Variants in NTN3 observed in about 807,000 individuals in gnomAD.
NTN3 encodes the protein netrin-3.
In NTN3, 44 loss-of-function variants were observed where a neutral mutation model predicts 37.2. The observed-to-expected ratio is 1.18, with a 90% CI of 0.93 to 1.52. The LOEUF (loss-of-function observed/expected upper bound fraction) is 1.52. NTN3 is among the 40% of genes most tolerant of loss of function. NTN3 has a pLI of 0.00. For synonymous variants in NTN3, 385 were observed against 376.0 expected, an observed-to-expected ratio of 1.02 and a Z score of -0.28; for missense variants, 882 against 857.3, an observed-to-expected ratio of 1.03 and a Z score of -0.36.
Position 2,473,873 on chromosome 16 carries a change from C to A in NTN3, c.1511C>A (p.Ala504Glu). 8 of 1,258,972 alleles carry A rather than the reference C, an allele frequency of 6.4e-6. No individual in the cohort carries two copies. Among genetic ancestry groups the A allele is most frequent in the Non-Finnish European group, 8.0e-6 (8 of 1,004,890 alleles). 78.0% of individuals were successfully genotyped at this position (1,258,972 alleles called of 1,614,324 possible). A position where few individuals can be genotyped will look rare whatever the true frequency, so the allele number is the denominator to read the frequency against. ...GEERARRGSSALWVPAGDAAC... is the reference protein window; with the variant it reads ...GEERARRGSSELWVPAGDAAC... ...GAGCGCGCGCGGCGCGGGAGTAGCG[C>A]GCTGTGGGTGCCCGCCGGGGATGCG... Residue 504 changes from alanine to glutamate, a missense_variant, in exon 6 of 6, where the codon GCG becomes GAG. Ala to Glu is a moderately radical substitution (Grantham distance 107). Coordinates refer to ENST00000293973, the MANE Select transcript of NTN3 (RefSeq NM_006181.3).
rs1414395615 is a variant in NTN3, at chr16:2,471,769, C to G, written c.68C>G (p.Pro23Arg). 7 of 1,381,250 alleles carry G rather than the reference C, an allele frequency of 5.1e-6. No homozygotes were observed. Among genetic ancestry groups the G allele is most frequent in the Non-Finnish European group, 6.5e-6 (7 of 1,075,764 alleles). The allele number at this position is 1,381,250 out of a possible 1,614,324, so 85.6% of individuals were successfully genotyped here. A position where few individuals can be genotyped will look rare whatever the true frequency, so the allele number is the denominator to read the frequency against. ...CTCTTCGCCGCCCTGAGTCCTGGGC[C>G]GCCGGCGCCCGCCGACCCCTGCCAC... Reference protein sequence around the residue: ...GTLFAALSPGPPAPADPCHDE... With the variant: ...GTLFAALSPGRPAPADPCHDE... The change falls in exon 1 of 6, where the codon CCG becomes CGG. Residue 23 changes from proline (P) to arginine (R), a missense_variant. Pro to Arg is a moderately radical substitution (Grantham distance 103, BLOSUM62 -2). Transcript: ENST00000293973.
rs754006125 is a variant in NTN3, at chr16:2,472,443, G to A, written c.742G>A (p.Asp248Asn). 7 of 1,596,704 alleles carry A rather than the reference G, an allele frequency of 4.4e-6. No homozygotes were observed. Among genetic ancestry groups the A allele is most frequent in the South Asian group, 3.3e-5 (3 of 91,070 alleles). The change falls in exon 1 of 6, where the codon GAC becomes AAC. Residue 248 changes from aspartate (D) to asparagine (N), a missense_variant. Physicochemically the swap from Asp to Asn is conservative, Grantham distance 23 (BLOSUM62 1). Coordinates refer to ENST00000293973, the MANE Select transcript of NTN3 (RefSeq NM_006181.3). Reference sequence around the variant, plus strand: ...CGTCCCTTACTCCTACGCAGCCACCGACCTCCAGGTGGGCGGGCGCTGCAA... The same window carrying A: ...CGTCCCTTACTCCTACGCAGCCACCAACCTCCAGGTGGGCGGGCGCTGCAA... ...AVVPYSYAAT[D>N]LQVGGRCKCN...
In NTN3 at chr16:2,472,097, G is replaced by T; in HGVS notation, c.396G>T (p.Val132=). The part of the protein sequence containing the change: ...LRFCSAPPAS[V]ALLKSQDHGR... ...TCTGCTCAGCTCCCCCAGCCTCCGT[G>T]GCCCTGCTCAAGTCTCAGGACCATG... Residue 132 remains valine (V), a synonymous_variant, in exon 1 of 6, where the codon GTG becomes GTT. Transcript: ENST00000293973. The T allele has an allele frequency of 6.2e-7, 1 of 1,606,642 alleles. No homozygotes were observed. Among genetic ancestry groups the T allele is most frequent in the South Asian group, 1.1e-5 (1 of 90,792 alleles).
chr16:2,472,592 G>T lies in NTN3; in HGVS notation c.891G>T (p.Trp297Cys). 6.3e-7 allele frequency: 1 copy of T among 1,597,204 alleles called. No homozygotes were observed. Among genetic ancestry groups the T allele is most frequent in the Non-Finnish European group, 8.5e-7 (1 of 1,171,192 alleles). Residue 297 changes from tryptophan (W) to cysteine (C), a missense_variant, in exon 1 of 6, where the codon TGG becomes TGT. Transcript: ENST00000293973. Reference protein sequence around the residue: ...RCKPFYCDRPWQRATARESHA... With the variant: ...RCKPFYCDRPCQRATARESHA... ...AGCCCTTCTACTGCGACAGGCCATG[G>T]CAGCGGGCCACTGCCCGGGAATCCC...
Position 2,471,912 on chromosome 16 carries a change from G to C in NTN3, c.211G>C (p.Asp71His). The C allele has an allele frequency of 1.3e-6, 2 of 1,536,420 alleles. No individual in the cohort carries two copies. Among genetic ancestry groups the C allele is most frequent in the South Asian group, 2.4e-5 (2 of 83,184 alleles). Residue 71 changes from aspartate to histidine, a missense_variant, in exon 1 of 6, where the codon GAC becomes CAC. Transcript: ENST00000293973. ...RPATRACDAS[D>H]PRRAHSPALL... The stretch of plus-strand genomic sequence containing the variant: ...GGCCACTCGGGCCTGCGACGCCTCC[G>C]ACCCGCGACGGGCACACTCCCCCGC...
At chr16:2,472,963 C>G (rs1267246968) in intron 2 of NTN3, 22 bp from the exon 3 acceptor site, 1 of 1,587,078 alleles carries the variant, frequency 6.3e-7, no homozygotes, top group East Asian at 2.2e-5. Flanking sequence ...TCTGACCAGG[C>G]CCTTCCCACC....
At chr16:2,473,352 A>G (rs1436887363) in intron 4 of NTN3, 34 bp downstream of exon 4, 1 of 1,612,736 alleles carries the variant, frequency 6.2e-7, no homozygotes, top group Admixed American at 1.7e-5. Context: ...CCAGACTGGC[A>G]TGACTTTGGG....
chr16:2,471,952 C>A lies in NTN3; in HGVS notation c.251C>A (p.Pro84Gln). The A allele has an allele frequency of 6.4e-7, 1 of 1,563,958 alleles. No individual in the cohort carries two copies. Residue 84 changes from proline to glutamine, a missense_variant, in exon 1 of 6, where the codon CCA (proline) becomes CAA (glutamine). Transcript: ENST00000293973. ...RAHSPALLTS[P>Q]GGTASPLCWR... is the part of the protein sequence containing the mutation. Reference sequence around the variant, plus strand: ...CACTCCCCCGCCCTCCTTACTTCCCCAGGGGGCACGGCCAGCCCTCTGTGC... The same window carrying A: ...CACTCCCCCGCCCTCCTTACTTCCCAAGGGGGCACGGCCAGCCCTCTGTGC...
Position 2,471,676 on chromosome 16 carries a change from C to A in NTN3, c.-26C>A. 1 of 1,310,078 alleles carries A rather than the reference C, an allele frequency of 7.6e-7. No homozygotes were observed. The highest frequency in any genetic ancestry group is 9.7e-7 in the Non-Finnish European group (1 of 1,032,626). 81.2% of individuals were successfully genotyped at this position (1,310,078 alleles called of 1,614,324 possible). ...AGGGCAGCGTCTTGGGGCCCGGCCA[C>A]TGGCTGACCCGCAGCGGCTCCGGCC... On this transcript the variant is annotated 5_prime_UTR_variant, in exon 1 of 6. The change creates a new upstream start codon in the 5' untranslated region. Coordinates refer to ENST00000293973, the MANE Select transcript of NTN3 (RefSeq NM_006181.3).
At chr16:2,473,184 C>G in intron 3 of NTN3, 50 bp downstream of exon 3, 2 of 1,595,590 alleles carry the variant, frequency 1.3e-6, no homozygotes, top group Non-Finnish European at 8.6e-7. Context: ...CACCCCAGCT[C>G]CCTGCTGTTG....
rs745813088 is a variant in NTN3, at chr16:2,473,296, C to T, written c.1296C>T (p.Asp432=). The change falls in exon 4 of 6, where the codon GAC becomes GAT. Residue 432 remains aspartate (D), a synonymous_variant. Coordinates refer to ENST00000293973, the MANE Select transcript of NTN3 (RefSeq NM_006181.3). ...VKTPIPGPTE[D]SSPVQPQDCD... is the part of the protein sequence containing the mutation. ...CCCCTATCCCTGGACCCACTGAGGA[C>T]AGCAGCCCTGTGCAGCCCCAGGGTG... is the stretch of plus-strand genomic sequence containing the variant. 1.7e-5 allele frequency: 27 copies of T among 1,612,986 alleles called. No homozygotes were observed. The highest frequency in any genetic ancestry group is 1.9e-5 in the Non-Finnish European group (23 of 1,179,980).
Position 2,472,985 on chromosome 16 carries a change from C to G in NTN3, c.1118C>G (p.Ala373Gly). Residue 373 changes from alanine to glycine, a missense_variant and splice_region_variant, in exon 3 of 6, where the codon GCC (alanine) becomes GGC (glycine). Coordinates refer to ENST00000293973, the MANE Select transcript of NTN3 (RefSeq NM_006181.3). ...AGGCCCTTCCCACCTCTGTCCTCAG[C>G]CTGCGACTGTCACCCGGTTGGTGCT... Reference protein sequence around the residue: ...RALSDRRACRACDCHPVGAAG... With the variant: ...RALSDRRACRGCDCHPVGAAG... 1 of 1,599,152 alleles carries G rather than the reference C, an allele frequency of 6.3e-7. No individual in the cohort carries two copies. The highest frequency in any genetic ancestry group is 8.5e-7 in the Non-Finnish European group (1 of 1,172,040).
chr16:2,473,994 C>T lies in NTN3; in HGVS notation c.1632C>T (p.Pro544=), dbSNP rs1055181610. The change falls in exon 6 of 6, where the codon CCC becomes CCT. Residue 544 remains proline, a synonymous_variant. Coordinates refer to ENST00000293973, the MANE Select transcript of NTN3 (RefSeq NM_006181.3). Reference sequence around the variant, plus strand: ...CTGGGGGCGCGGGGGGCCGGGGGCCCGGGCTCATCGCCGCCCGCGGAAGCC... The same window carrying T: ...CTGGGGGCGCGGGGGGCCGGGGGCCTGGGCTCATCGCCGCCCGCGGAAGCC... The part of the protein sequence containing the change: ...AAAGGAGGRG[P]GLIAARGSLV... 13 of 1,175,780 alleles carry T rather than the reference C, an allele frequency of 1.1e-5. No individual in the cohort carries two copies. The highest frequency in any genetic ancestry group is 1.4e-5 in the Non-Finnish European group (13 of 952,278). 72.8% of individuals were successfully genotyped at this position (1,175,780 alleles called of 1,614,324 possible).
In NTN3 at chr16:2,473,409, GCCTCCCACCTTCTAC is replaced by G. The variant is rs777890500; in HGVS notation, c.1319-17_1319-3del. ...GGGTGGGGAAAGGGAGTCTGTGCCA[GCCTCCCACCTTCTAC>G]CCAGACTGTGACTCGCACTGCAAAC... On this transcript the variant is annotated splice_region_variant and splice_polypyrimidine_tract_variant and intron_variant, in intron 4 of 5. Coordinates refer to ENST00000293973, the MANE Select transcript of NTN3 (RefSeq NM_006181.3). 10 of 1,612,774 alleles carry G rather than the reference GCCTCCCACCTTCTAC, an allele frequency of 6.2e-6. No individual in the cohort carries two copies. The Admixed American group carries it at 1.7e-4, about 27-fold the overall frequency.
In NTN3 at chr16:2,473,318, G is replaced by A; in HGVS notation, c.1318G>A (p.Asp440Asn). 6.2e-7 allele frequency: 1 copy of A among 1,612,966 alleles called. No homozygotes were observed. The highest frequency in any genetic ancestry group is 8.5e-7 in the Non-Finnish European group (1 of 1,179,978). ...GGACAGCAGCCCTGTGCAGCCCCAG[G>A]GTGAGTGGACACAGGACAGGGCCCC... is the stretch of plus-strand genomic sequence containing the variant. The part of the protein sequence containing the change: ...TEDSSPVQPQ[D>N]CDSHCKPARG... The change falls in exon 4 of 6, where the codon GAC becomes AAC. Residue 440 changes from aspartate (D) to asparagine (N), a missense_variant and splice_region_variant. Physicochemically the swap from Asp to Asn is conservative, Grantham distance 23. Transcript: ENST00000293973.
Position 2,473,830 on chromosome 16 carries a change from G to A in NTN3, c.1468G>A (p.Val490Met), listed in dbSNP as rs1351220819. The change falls in exon 6 of 6, where the codon GTG becomes ATG. Residue 490 changes from valine (V) to methionine (M), a missense_variant. Val to Met is a conservative substitution (Grantham distance 21). Coordinates refer to ENST00000293973, the MANE Select transcript of NTN3 (RefSeq NM_006181.3). ...WTRFPVAVLA[V>M]FRSGEERARR... ...ACGCTTCCCGGTGGCGGTGCTCGCCGTGTTCCGGAGCGGAGAGGAGCGCGC... is the reference window on the plus strand; with the variant it reads ...ACGCTTCCCGGTGGCGGTGCTCGCCATGTTCCGGAGCGGAGAGGAGCGCGC... 2 of 1,372,634 alleles carry A rather than the reference G, an allele frequency of 1.5e-6. No individual in the cohort carries two copies. The highest frequency in any genetic ancestry group is 1.9e-6 in the Non-Finnish European group (2 of 1,072,992). 85.0% of individuals were successfully genotyped at this position (1,372,634 alleles called of 1,614,324 possible).
In NTN3 at chr16:2,471,584, C is replaced by A; in HGVS notation, c.-118C>A. The stretch of plus-strand genomic sequence containing the variant: ...ACCTCTGGGCCGGGCTGGGGCCGCC[C>A]GGGGGCCCTGTTCCTCGGCATTGCG... On this transcript the variant is annotated 5_prime_UTR_variant, in exon 1 of 6. Coordinates refer to ENST00000293973, the MANE Select transcript of NTN3 (RefSeq NM_006181.3). 1.3e-6 allele frequency: 1 copy of A among 754,154 alleles called. No homozygotes were observed. The highest frequency in any genetic ancestry group is 1.9e-6 in the Non-Finnish European group (1 of 537,120). The allele number at this position is 754,154 out of a possible 1,614,324, so 46.7% of individuals were successfully genotyped here. A position where few individuals can be genotyped will look rare whatever the true frequency, so the allele number is the denominator to read the frequency against.
Position 2,472,094 on chromosome 16 carries a change from C to T in NTN3, c.393C>T (p.Ser131=), listed in dbSNP as rs201591654. The T allele has an allele frequency of 6.7e-5, 108 of 1,606,388 alleles. No individual in the cohort carries two copies. Among genetic ancestry groups the T allele is most frequent in the Non-Finnish European group, 8.8e-5 (104 of 1,177,382 alleles). ...GCTTCTGCTCAGCTCCCCCAGCCTC[C>T]GTGGCCCTGCTCAAGTCTCAGGACC... ...SLRFCSAPPA[S]VALLKSQDHG... The change falls in exon 1 of 6, where the codon TCC becomes TCT. Residue 131 remains serine, a synonymous_variant. Transcript: ENST00000293973.
rs753072186 is a variant in NTN3, at chr16:2,471,933, C to T, written c.232C>T (p.Pro78Ser). The T allele has an allele frequency of 1.1e-5, 17 of 1,551,348 alleles. No homozygotes were observed. Among genetic ancestry groups the T allele is most frequent in the Admixed American group, 5.6e-5 (3 of 53,810 alleles). The part of the protein sequence containing the change: ...DASDPRRAHS[P>S]ALLTSPGGTA... The stretch of plus-strand genomic sequence containing the variant: ...CTCCGACCCGCGACGGGCACACTCC[C>T]CCGCCCTCCTTACTTCCCCAGGGGG... Residue 78 changes from proline (P) to serine (S), a missense_variant, in exon 1 of 6, where the codon CCC (proline) becomes TCC (serine). By Grantham distance (74) the Pro-to-Ser change is moderately conservative. Coordinates refer to ENST00000293973, the MANE Select transcript of NTN3 (RefSeq NM_006181.3).
Sources: gnomAD v4.1 joint callset for allele counts on GRCh38, gnomAD v4.1.1 for gene constraint, MANE v1.5 for transcripts, NCBI Gene and HGNC (gene_info 2026-07-23, HGNC 2026-07-21) for gene names.